The following NCOA2 variants were observed in gnomAD, a reference collection of about 807,000 sequenced individuals.
NCOA2 encodes nuclear receptor coactivator 2.
A neutral mutation model predicts 145.1 loss-of-function variants in NCOA2; 21 were observed. The observed-to-expected ratio is 0.14, with a 90% CI of 0.10 to 0.21. The LOEUF (loss-of-function observed/expected upper bound fraction) is 0.21, where lower values mean the gene tolerates loss of function less well. NCOA2 is among the 10% of genes least tolerant of loss of function. The pLI is 1.00. For synonymous variants in NCOA2, 619 were observed against 637.5 expected (o/e 0.97, Z 0.44); for missense variants, 1,472 against 1,837.6 (o/e 0.80, Z 3.64).
upstream of NCOA2, among the ~76,000 whole-genome samples, chr8:70,405,832 G>T (rs1032412985): frequency 1.3e-5 from 2 of 151,998 alleles, no homozygotes; most frequent in Admixed American, 1.3e-4. Context: ...TCCCCCCATT[G>T]CATTCCCGTA....
chr8:70,361,469 T>A (rs1360907715), intron 1 of NCOA2, among the ~76,000 whole-genome samples: 1 of 149,122 alleles, frequency 6.7e-6, no homozygotes, highest in African/African-American at 2.5e-5. Context: ...AAACTCCGTC[T>A]CAAAAAAGAA....
At chr8:70,203,261 C>CAAAAAAAAAAAAAAAAAAAAA (rs34990647) in intron 4 of NCOA2, among the ~76,000 whole-genome samples, 7 of 121,890 alleles carry the variant, frequency 5.7e-5, no homozygotes, top group African/African-American at 9.9e-5. Flanking sequence ...GACTCTGTCT[C>CAAAAAAAAAAAAAAAAAAAAA]AAAAAAAAAA....
chr8:70,350,875 T>C (rs1279828114), intron 1 of NCOA2, among the ~76,000 whole-genome samples: 1 of 152,228 alleles, frequency 6.6e-6, no homozygotes, highest in Non-Finnish European at 1.5e-5. Flanking sequence ...CCATTTTGTG[T>C]TGCTATAACA....
chr8:70,454,203 T>C, the NCOA2 span, among the ~76,000 whole-genome samples: 3 of 152,230 alleles, frequency 2.0e-5, no homozygotes, highest in Admixed American at 6.5e-5. Flanking sequence ...CTATAATACA[T>C]TGTGTTTATA....
intron 3 of NCOA2, among the ~76,000 whole-genome samples, chr8:70,215,672 T>G (rs1819541582): frequency 6.6e-6 from 1 of 152,236 alleles, no homozygotes; most frequent in African/African-American, 2.4e-5. Context: ...GTAGAAGGTG[T>G]TGTTTTTATT....
At chr8:70,362,858 G>GT (rs1055585242) in intron 1 of NCOA2, among the ~76,000 whole-genome samples, 1 of 149,482 alleles carries the variant, frequency 6.7e-6, no homozygotes, top group Non-Finnish European at 1.5e-5. Context: ...TGGGAGGACT[G>GT]TTTAAGCCCA....
At chr8:70,273,793 C>G in intron 2 of NCOA2, 1 of 581,462 alleles carries the variant, frequency 1.7e-6, no homozygotes, top group Non-Finnish European at 3.3e-6. Context: ...GATGAAGTTC[C>G]AGATCTTGTG....
chr8:70,419,243 A>G, the NCOA2 span, among the ~76,000 whole-genome samples: 1 of 152,084 alleles, frequency 6.6e-6, no homozygotes, highest in South Asian at 2.1e-4. Flanking sequence ...CATTGTTGCA[A>G]TTCTTCAAGG....
chr8:70,199,555 G>C (rs1285466941), intron 4 of NCOA2, among the ~76,000 whole-genome samples: 1 of 152,104 alleles, frequency 6.6e-6, no homozygotes, highest in African/African-American at 2.4e-5. Context: ...CTGATCAACG[G>C]GAGTCGCTGC....
the NCOA2 span, among the ~76,000 whole-genome samples, chr8:70,451,755 A>G: frequency 6.6e-6 from 1 of 152,142 alleles, no homozygotes; most frequent in Non-Finnish European, 1.5e-5. Flanking sequence ...AGGTAGGTTG[A>G]TCATATGTCC....
At chr8:70,191,619 A>G (rs895785074) in intron 4 of NCOA2, among the ~76,000 whole-genome samples, 1 of 152,064 alleles carries the variant, frequency 6.6e-6, no homozygotes, top group Non-Finnish European at 1.5e-5. Context: ...GGAGGAAGAG[A>G]GAGGGAGGAA....
chr8:70,299,656 G>C (rs1380897), intron 1 of NCOA2, among the ~76,000 whole-genome samples: 1 of 152,210 alleles, frequency 6.6e-6, no homozygotes, highest in Admixed American at 6.5e-5. Flanking sequence ...AAAATTATCT[G>C]AAGTGTTGAC....
chr8:70,256,783 T>C (rs1306521987), intron 2 of NCOA2, among the ~76,000 whole-genome samples: 1 of 152,134 alleles, frequency 6.6e-6, no homozygotes, highest in Non-Finnish European at 1.5e-5. Flanking sequence ...TGGGTTAGGA[T>C]TGGAATTCAT....
At position 70,111,399 on chromosome 8, in the gene NCOA2, T is replaced by G. The variant is rs1806525683; in HGVS notation, c.*2233A>C. On this transcript the variant is annotated 3_prime_UTR_variant, in exon 23 of 23. Coordinates refer to ENST00000452400, the MANE Select transcript of NCOA2 (RefSeq NM_006540.4). ...TTCACATATTTCTGAACATTAAAAC[T>G]GGTCACACTGAATTGTATGCCACAT... 4.5e-6 allele frequency: 1 copy of G among 222,146 alleles called. No individual in the cohort carries two copies. 13.8% of individuals were successfully genotyped at this position (222,146 alleles called of 1,614,324 possible).
At chr8:70,343,328 A>G (rs527469007) in intron 1 of NCOA2, among the ~76,000 whole-genome samples, 63 of 152,266 alleles carry the variant, frequency 4.1e-4, no homozygotes, top group African/African-American at 1.5e-3. Flanking sequence ...AAAAACTAAA[A>G]TAATATATGA....
chr8:70,380,372 C>T (rs1216545201), intron 1 of NCOA2, among the ~76,000 whole-genome samples: 1 of 152,132 alleles, frequency 6.6e-6, no homozygotes, highest in Non-Finnish European at 1.5e-5. Context: ...ATACTCCTCA[C>T]TCGCACAGTG....
At chr8:70,388,509 C>A (rs1812875120) in intron 1 of NCOA2, among the ~76,000 whole-genome samples, 1 of 152,134 alleles carries the variant, frequency 6.6e-6, no homozygotes, top group Non-Finnish European at 1.5e-5. Context: ...CACTCTAATA[C>A]AATTTTTTAT....
chr8:70,279,584 A>G (rs1415114925), intron 2 of NCOA2, among the ~76,000 whole-genome samples: 1 of 152,188 alleles, frequency 6.6e-6, no homozygotes. Context: ...ATGGTTCATG[A>G]TGAGACTAAT....
At chr8:70,197,255 T>C (rs546520249) in intron 4 of NCOA2, among the ~76,000 whole-genome samples, 56 of 150,652 alleles carry the variant, frequency 3.7e-4, no homozygotes, top group African/African-American at 1.3e-3. Flanking sequence ...CACTTTCCTT[T>C]ATATCACTAT....
Sources: allele counts gnomAD v4.1 joint callset (sites outside exome capture counted in the v4.1 genomes callset), GRCh38; gene constraint gnomAD v4.1.1; transcripts MANE v1.5; gene names NCBI Gene and HGNC (gene_info 2026-07-23, HGNC 2026-07-21).